RAB15: variants seen among roughly 807,000 people sequenced by gnomAD.
The protein encoded by RAB15 is RAB15, member RAS oncogene family.
Under a neutral mutation model 31.8 loss-of-function variants are expected in RAB15, and 13 were observed. That is an observed-to-expected ratio of 0.41 (90% confidence interval 0.27 to 0.65). The LOEUF (loss-of-function observed/expected upper bound fraction) is 0.65. Among genes scored for constraint, RAB15 ranks in the 30% least tolerant of loss-of-function variants. The pLI, the probability that RAB15 is intolerant of heterozygous loss-of-function variation, is 0.32. For synonymous variants in RAB15, 100 were observed against 105.6 expected, an observed-to-expected ratio of 0.95 and a Z score of 0.33; for missense variants, 220 against 277.3, an observed-to-expected ratio of 0.79 and a Z score of 1.47.
chr14:64,946,665 AG>A lies in RAB15; in HGVS notation c.*1688del, dbSNP rs1885937353. On this transcript the variant is annotated 3_prime_UTR_variant, in exon 7 of 7. Transcript: ENST00000533601. ...TTCCCCACTTCTTTTTGGAGGAGTA[AG>A]GAAGTGAGGTTCTTATCCTTCACAT... 1 of 152,180 alleles carries A rather than the reference AG, an allele frequency of 6.6e-6. No individual in the cohort carries two copies. Among genetic ancestry groups the A allele is most frequent in the African/African-American group, 2.4e-5 (1 of 41,430 alleles). 9.4% of individuals were successfully genotyped at this position (152,180 alleles called of 1,614,324 possible). A position where few individuals can be genotyped will look rare whatever the true frequency, so the allele number is the denominator to read the frequency against.
In RAB15 at chr14:64,970,874, AG is replaced by A. The variant is rs1396186738; in HGVS notation, c.124+1078del. ...ATCTATCTGCTCCTACTTCTCTCTC[AG>A]CAAGGAATGTGTGTTGGGGGGAGGG... On this transcript the variant is annotated intron_variant, in intron 1 of 6. Transcript: ENST00000533601. This position sits in a 1 kb window ranked among gnomAD's most constrained non-coding sequence, Gnocchi z 4.1. Among the ~76,000 whole-genome samples the A allele has an allele frequency of 1.3e-5, 2 of 151,696 alleles. No individual in the cohort carries two copies. The highest frequency in any genetic ancestry group is 2.9e-5 in the Non-Finnish European group (2 of 67,898).
intron 1 of RAB15, among the ~76,000 whole-genome samples, chr14:64,959,165 G>A (rs933319687): frequency 1.3e-5 from 2 of 152,212 alleles, no homozygotes; most frequent in Admixed American, 6.5e-5. Context: ...TGATGAACAT[G>A]CTGACTGCAG....
intron 1 of RAB15, among the ~76,000 whole-genome samples, chr14:64,956,019 C>T (rs1886536297): frequency 1.3e-5 from 2 of 152,182 alleles, no homozygotes; most frequent in South Asian, 2.1e-4. Context: ...GTGAAGATGA[C>T]GCTACTGTCC....
intron 1 of RAB15, among the ~76,000 whole-genome samples, chr14:64,959,274 G>A (rs991129472): frequency 6.6e-6 from 1 of 152,170 alleles, no homozygotes; most frequent in East Asian, 1.9e-4. Flanking sequence ...CCTTTTCTTA[G>A]TGACACCTGA....
chr14:64,947,293 T>C lies in RAB15; in HGVS notation c.*1061A>G. ...ACTGCTGTCCCTGGCCAGCTCTCCC[T>C]TGCTCTTAACCTGATACATAGGAGC... On this transcript the variant is annotated 3_prime_UTR_variant, in exon 7 of 7. Coordinates refer to ENST00000533601, the MANE Select transcript of RAB15 (RefSeq NM_001308154.2). This position sits in a 1 kb window ranked among gnomAD's most constrained non-coding sequence, Gnocchi z 5.6. The C allele has an allele frequency of 6.5e-6, 1 of 152,730 alleles. No individual in the cohort carries two copies. The allele number at this position is 152,730 out of a possible 1,614,324, so 9.5% of individuals were successfully genotyped here. A position where few individuals can be genotyped will look rare whatever the true frequency, so the allele number is the denominator to read the frequency against.
At chr14:64,969,282 G>C (rs186895339) in intron 1 of RAB15, among the ~76,000 whole-genome samples, 8 of 152,306 alleles carry the variant, frequency 5.3e-5, no homozygotes, top group Non-Finnish European at 1.2e-4. Flanking sequence ...TGACTTGGTA[G>C]CACTCATTTC....
rs1469441143 is a variant in RAB15, at chr14:64,947,265, CAA to C, written c.*1087_*1088del. 6.6e-6 allele frequency: 1 copy of C among 152,568 alleles called. No individual in the cohort carries two copies. The highest frequency in any genetic ancestry group is 2.4e-5 in the African/African-American group (1 of 41,446). The allele number at this position is 152,568 out of a possible 1,614,324, so 9.5% of individuals were successfully genotyped here. A position where few individuals can be genotyped will look rare whatever the true frequency, so the allele number is the denominator to read the frequency against. ...TGTTGCTACATTCCCCTCTGCTGTG[CAA>C]ACTGCTGTCCCTGGCCAGCTCTCCC... On this transcript the variant is annotated 3_prime_UTR_variant, in exon 7 of 7. Transcript: ENST00000533601. This position sits in a 1 kb window ranked among gnomAD's most constrained non-coding sequence, Gnocchi z 5.6.
chr14:64,949,359 C>T (rs187778912), intron 5 of RAB15, among the ~76,000 whole-genome samples: 2 of 152,316 alleles, frequency 1.3e-5, no homozygotes, highest in East Asian at 1.9e-4. Context: ...ACTAATGGAA[C>T]GCTATTGACT....
chr14:64,951,527 C>T lies in RAB15; in HGVS notation c.246+76G>A. 7.5e-7 allele frequency: 1 copy of T among 1,335,694 alleles called. No individual in the cohort carries two copies. The highest frequency in any genetic ancestry group is 1.1e-6 in the Non-Finnish European group (1 of 925,446). The allele number at this position is 1,335,694 out of a possible 1,614,324, so 82.7% of individuals were successfully genotyped here. A position where few individuals can be genotyped will look rare whatever the true frequency, so the allele number is the denominator to read the frequency against. On this transcript the variant is annotated intron_variant, in intron 3 of 6. Coordinates refer to ENST00000533601, the MANE Select transcript of RAB15 (RefSeq NM_001308154.2). This position sits in a 1 kb window ranked among gnomAD's most constrained non-coding sequence, Gnocchi z 7.2. ...AACTGTATTTAGGGGATCCGTGGCA[C>T]AGACATCTCAAATACCCAGAGCTGG... is the stretch of plus-strand genomic sequence containing the variant.
rs78565463 is a variant in RAB15 at position 64,965,495 on chromosome 14, T to C, written c.124+6458A>G. ...AATAAAATAAAACAGGGCTGGTGAT[T>C]AGCCCCTTCCTCCTCAGTGGGAGGA... On this transcript the variant is annotated intron_variant, in intron 1 of 6. Transcript: ENST00000533601. Among the ~76,000 whole-genome samples, 400 of 152,232 alleles carry C rather than the reference T, an allele frequency of 2.6e-3. 4 individuals are homozygous for C. Among genetic ancestry groups the C allele is most frequent in the South Asian group, 0.022 (107 of 4,822 alleles).
chr14:64,950,902 A>C lies in RAB15; in HGVS notation c.324+172T>G. The stretch of plus-strand genomic sequence containing the variant: ...GAGGCCTGGCAGGGTATAGAGAGTG[A>C]GGGCATGGCAGCTTCGGTTTCTTCC... On this transcript the variant is annotated intron_variant, in intron 4 of 6. Coordinates refer to ENST00000533601, the MANE Select transcript of RAB15 (RefSeq NM_001308154.2). The surrounding 1 kb of genome is among the most constrained non-coding windows in gnomAD (Gnocchi z 5.6). 7.2e-7 allele frequency: 1 copy of C among 1,390,628 alleles called. No homozygotes were observed. Among genetic ancestry groups the C allele is most frequent in the Non-Finnish European group, 1.0e-6 (1 of 988,260 alleles). The allele number at this position is 1,390,628 out of a possible 1,614,324, so 86.1% of individuals were successfully genotyped here.
chr14:64,956,136 C>G (rs1886547125), intron 1 of RAB15, among the ~76,000 whole-genome samples: 1 of 152,142 alleles, frequency 6.6e-6, no homozygotes. Context: ...CACGCGGTGG[C>G]TCACACCAGT....
At chr14:64,961,900 G>A (rs968556033) in intron 1 of RAB15, among the ~76,000 whole-genome samples, 6 of 145,378 alleles carry the variant, frequency 4.1e-5, no homozygotes, top group Non-Finnish European at 1.5e-5. Flanking sequence ...GGGAGACAGT[G>A]CAAGACTCTG....
At position 64,948,402 on chromosome 14, in the gene RAB15, C is replaced by G. The variant is rs759780594; in HGVS notation, c.591G>C (p.Glu197Asp). The change falls in exon 7 of 7, where the codon GAG becomes GAC. Residue 197 changes from glutamate (E) to aspartate (D), a missense_variant. Physicochemically the swap from Glu to Asp is conservative, Grantham distance 45. Transcript: ENST00000533601. This position sits in a 1 kb window ranked among gnomAD's most constrained non-coding sequence, Gnocchi z 7.0. ...AGTTCGCTGGGCCCTCGGGTTTGCC[C>G]TCCTCCTCCTCCAGCTCTGCCAGTG... Reference protein sequence around the residue: ...ELALAELEEEEGKPEGPANSS... With the variant: ...ELALAELEEEDGKPEGPANSS... 2.5e-6 allele frequency: 4 copies of G among 1,604,204 alleles called. No homozygotes were observed. Among genetic ancestry groups the G allele is most frequent in the Non-Finnish European group, 3.4e-6 (4 of 1,175,736 alleles).
At chr14:64,949,182 T>C (rs959910801) in intron 5 of RAB15, among the ~76,000 whole-genome samples, 3 of 152,148 alleles carry the variant, frequency 2.0e-5, no homozygotes, top group Non-Finnish European at 4.4e-5. Context: ...CCATCCATGG[T>C]TGTGGGATGA....
rs1395225735 is a variant in RAB15 at position 64,947,427 on chromosome 14, A to G, written c.*927T>C. The G allele has an allele frequency of 1.3e-5, 2 of 152,770 alleles. No individual in the cohort carries two copies. The highest frequency in any genetic ancestry group is 2.9e-5 in the Non-Finnish European group (2 of 68,168). 9.5% of individuals were successfully genotyped at this position (152,770 alleles called of 1,614,324 possible). ...CTGGAGTACCCACAGGCCTTGGTCC[A>G]CATCTTTAAATTTGGGAGCCAGGTG... On this transcript the variant is annotated 3_prime_UTR_variant, in exon 7 of 7. Transcript: ENST00000533601. The surrounding 1 kb of genome is among the most constrained non-coding windows in gnomAD (Gnocchi z 5.6).
At chr14:64,966,278 G>A (rs150490653) in intron 1 of RAB15, among the ~76,000 whole-genome samples, 1 of 152,164 alleles carries the variant, frequency 6.6e-6, no homozygotes, top group East Asian at 1.9e-4. Flanking sequence ...GCGCCTGAAC[G>A]ACTGAGTGCA....
rs1052241023 is a variant in RAB15 at position 64,971,829 on chromosome 14, C to T, written c.124+124G>A. On this transcript the variant is annotated intron_variant, in intron 1 of 6. Transcript: ENST00000533601. The surrounding 1 kb of genome is among the most constrained non-coding windows in gnomAD (Gnocchi z 4.1). The stretch of plus-strand genomic sequence containing the variant: ...TCACCCCGAGATTTATCCCGGACTC[C>T]GGCCTCCGGCGCCACCGCCTCCAGC... The T allele has an allele frequency of 4.3e-6, 4 of 920,666 alleles. No homozygotes were observed. Among genetic ancestry groups the T allele is most frequent in the Non-Finnish European group, 6.5e-6 (4 of 617,850 alleles). The allele number at this position is 920,666 out of a possible 1,614,324, so 57.0% of individuals were successfully genotyped here.
At chr14:64,966,703 G>C (rs954198336) in intron 1 of RAB15, among the ~76,000 whole-genome samples, 6 of 152,178 alleles carry the variant, frequency 3.9e-5, no homozygotes, top group African/African-American at 1.4e-4. Context: ...GAAGCACAAA[G>C]ATGTCATCAA....
Sources: allele counts gnomAD v4.1 joint callset (sites outside exome capture counted in the v4.1 genomes callset), GRCh38; gene constraint gnomAD v4.1.1; non-coding constraint Gnocchi (gnomAD v3.1); transcripts MANE v1.5; gene names NCBI Gene and HGNC (gene_info 2026-07-23, HGNC 2026-07-21).